Variants in TPRG1 observed in about 807,000 individuals in gnomAD.
TPRG1 encodes the protein tumor protein p63-regulated gene 1 protein.
A neutral mutation model predicts 29.3 loss-of-function variants in TPRG1; 29 were observed. The ratio of observed to expected loss-of-function variants is 0.99; its 90% confidence interval spans 0.74 to 1.35. The LOEUF is 1.35. Ranked by LOEUF, TPRG1 falls within the 40% of genes most tolerant of loss-of-function variation. TPRG1 has a pLI of 0.00. For synonymous variants in TPRG1, 130 were observed against 116.8 expected, an observed-to-expected ratio of 1.11 and a Z score of -0.73; for missense variants, 327 against 335.0, an observed-to-expected ratio of 0.98 and a Z score of 0.19.
chr3:189,238,667 G>T (rs1739958556), intron 3 of TPRG1, 66 bp from the exon 4 acceptor site: 1 of 1,373,364 alleles, frequency 7.3e-7, no homozygotes, highest in Non-Finnish European at 1.0e-6. Flanking sequence ...TAGGAGAGAT[G>T]TGAAGGTCAT....
At chr3:189,263,666 C>A (rs1245138343) in intron 4 of TPRG1, among the ~76,000 whole-genome samples, 1 of 152,186 alleles carries the variant, frequency 6.6e-6, no homozygotes, top group African/African-American at 2.4e-5. Flanking sequence ...GCCCACTTAT[C>A]TCTCAGGATA....
In TPRG1 at chr3:189,204,049, A is replaced by C. The variant is rs536668291; in HGVS notation, c.-9-3327A>C. On this transcript the variant is annotated intron_variant, in intron 1 of 5. Transcript: ENST00000345063. ...AGCGAGACTGTCTCAAAAAAAAAAA[A>C]AAAAAAAAAAAAACTGAACATCATT... Among the ~76,000 whole-genome samples, 892 of 151,150 alleles carry C rather than the reference A, an allele frequency of 5.9e-3. 31 individuals carry two copies. Among genetic ancestry groups the C allele is most frequent in the Admixed American group, 0.055 (833 of 15,140 alleles).
intron 4 of TPRG1, among the ~76,000 whole-genome samples, chr3:189,061,960 C>A (rs1487082550): frequency 6.6e-6 from 1 of 152,190 alleles, no homozygotes; most frequent in Non-Finnish European, 1.5e-5. Flanking sequence ...GAATATAAAT[C>A]ATTCTACCAT....
At chr3:189,271,451 A>G (rs765777321) in intron 4 of TPRG1, among the ~76,000 whole-genome samples, 6 of 152,242 alleles carry the variant, frequency 3.9e-5, no homozygotes, top group Non-Finnish European at 8.8e-5. Flanking sequence ...ACATAAAGGA[A>G]CTGTGAATAT....
intron 4 of TPRG1, among the ~76,000 whole-genome samples, chr3:189,264,005 C>T (rs1057379755): frequency 6.6e-6 from 1 of 152,168 alleles, no homozygotes; most frequent in African/African-American, 2.4e-5. Context: ...AGCTTCTACC[C>T]TTTTAATTCT....
chr3:189,150,926 A>C (rs1052437), intron 5 of TPRG1: 49,440 of 152,020 alleles, frequency 0.33, 8,286 homozygotes, highest in Admixed American at 0.43. Context: ...CAACTCCTGC[A>C]TGTGTGACCT....
intron 4 of TPRG1, among the ~76,000 whole-genome samples, chr3:189,032,595 C>CTT (rs570117851): frequency 3.2e-4 from 46 of 142,264 alleles, no homozygotes; most frequent in African/African-American, 1.2e-3. Flanking sequence ...CTTTTTTTTT[C>CTT]TTTTTTTTTA....
chr3:189,309,244 G>A (rs1235402652), intron 4 of TPRG1, among the ~76,000 whole-genome samples: 2 of 151,940 alleles, frequency 1.3e-5, no homozygotes, highest in Non-Finnish European at 2.9e-5. Flanking sequence ...TTGGGGAGCG[G>A]AGTGTTATAT....
chr3:189,287,547 A>G (rs904531853), intron 4 of TPRG1, among the ~76,000 whole-genome samples: 53 of 151,730 alleles, frequency 3.5e-4, no homozygotes, highest in Non-Finnish European at 4.9e-4. Flanking sequence ...ACAGGCGCCC[A>G]CCACCACACC....
At position 189,252,974 on chromosome 3, in the gene TPRG1, G is replaced by A. The variant is rs183304000; in HGVS notation, c.479+14065G>A. Among the ~76,000 whole-genome samples the A allele has an allele frequency of 1.3e-3, 203 of 151,732 alleles. 1 individual carries two copies. Among genetic ancestry groups the A allele is most frequent in the African/African-American group, 4.4e-3 (183 of 41,396 alleles). Reference sequence around the variant, plus strand: ...ATTTACATATTGGAAAACAATACAGGGTGATTTGACAGGTACATCTCAGTA... The same window carrying A: ...ATTTACATATTGGAAAACAATACAGAGTGATTTGACAGGTACATCTCAGTA... On this transcript the variant is annotated intron_variant, in intron 4 of 5. Transcript: ENST00000345063.
At chr3:189,159,868 G>GTGTGTGTGTGT (rs141895328) in intron 5 of TPRG1, among the ~76,000 whole-genome samples, 16,989 of 146,180 alleles carry the variant, frequency 0.12, 1,205 homozygotes, top group South Asian at 0.23. Flanking sequence ...GTGTGTGTGT[G>GTGTGTGTGTGT]GTGGTGGGGG....
chr3:189,022,876 C>T (rs113716565), intron 3 of TPRG1, among the ~76,000 whole-genome samples: 14 of 152,194 alleles, frequency 9.2e-5, no homozygotes, highest in African/African-American at 3.4e-4. Flanking sequence ...TAGCAATCAG[C>T]GAGACTCCGT....
chr3:189,020,347 C>T (rs1157350339), intron 3 of TPRG1, among the ~76,000 whole-genome samples: 1 of 151,734 alleles, frequency 6.6e-6, no homozygotes, highest in Non-Finnish European at 1.5e-5. Flanking sequence ...TGGATCTTTC[C>T]TGCTTTCTCT....
intron 3 of TPRG1, among the ~76,000 whole-genome samples, chr3:189,235,941 C>T (rs1739392559): frequency 6.6e-6 from 1 of 152,134 alleles, no homozygotes; most frequent in Admixed American, 6.5e-5. Context: ...ACCTTGTAAA[C>T]CTTTCTGAGC....
intron 4 of TPRG1, among the ~76,000 whole-genome samples, chr3:189,063,311 A>G (rs1716235336): frequency 1.3e-5 from 2 of 152,150 alleles, no homozygotes; most frequent in Admixed American, 6.5e-5. Context: ...GTTATAATTC[A>G]GTACTTCAGC....
At chr3:189,229,158 T>C (rs371419592) in intron 3 of TPRG1, among the ~76,000 whole-genome samples, 1 of 152,188 alleles carries the variant, frequency 6.6e-6, no homozygotes, top group Non-Finnish European at 1.5e-5. Flanking sequence ...GGTTTGTAGA[T>C]TGGAAGACCC....
At chr3:189,002,206 T>G (rs989496742) in intron 2 of TPRG1, among the ~76,000 whole-genome samples, 1 of 152,198 alleles carries the variant, frequency 6.6e-6, no homozygotes, top group Admixed American at 6.5e-5. Flanking sequence ...GCCACCCTGA[T>G]GCAGATACTT....
chr3:189,121,374 G>A (rs571405031), intron 1 of TPRG1: 2 of 152,260 alleles, frequency 1.3e-5, no homozygotes, highest in South Asian at 4.2e-4. Flanking sequence ...AATGGAATGT[G>A]AGTAAAAAAC....
intron 4 of TPRG1, among the ~76,000 whole-genome samples, chr3:189,086,078 G>A (rs556516742): frequency 1.3e-5 from 2 of 152,270 alleles, no homozygotes; most frequent in African/African-American, 2.4e-5. Context: ...AAGCAGGGAA[G>A]CCGACAGTGC....
Sources: allele counts gnomAD v4.1 joint callset (sites outside exome capture counted in the v4.1 genomes callset), GRCh38; gene constraint gnomAD v4.1.1; transcripts MANE v1.5; gene names NCBI Gene and HGNC (gene_info 2026-07-23, HGNC 2026-07-21).